The following PLOD2 variants were observed in gnomAD, a reference collection of about 807,000 sequenced individuals.
The protein encoded by PLOD2 is lysine hydroxylase 2.
A neutral mutation model predicts 101.0 loss-of-function variants in PLOD2; 65 were observed. The observed-to-expected ratio is 0.64, with a 90% CI of 0.53 to 0.79. The LOEUF is 0.79. PLOD2 is among the 30% of genes least tolerant of loss of function. The probability of loss-of-function intolerance (pLI) is 0.00; values close to 1 mark genes in which losing one functional copy is unlikely to be tolerated. For synonymous variants in PLOD2, 314 were observed against 302.9 expected, an observed-to-expected ratio of 1.04 and a Z score of -0.38; for missense variants, 909 against 914.6, an observed-to-expected ratio of 0.99 and a Z score of 0.08.
chr3:146,136,155 C>G (rs1190740098), intron 1 of PLOD2, among the ~76,000 whole-genome samples: 1 of 152,056 alleles, frequency 6.6e-6, no homozygotes, highest in Non-Finnish European at 1.5e-5. Context: ...TTCAGAAATG[C>G]CTTCTACATG....
intron 11 of PLOD2, among the ~76,000 whole-genome samples, chr3:146,084,717 T>C (rs1936695389): frequency 6.6e-6 from 1 of 152,114 alleles, no homozygotes. Flanking sequence ...AAGTGATAAC[T>C]AGTTCAACAG....
At chr3:146,130,345 CT>C (rs2108108153) in intron 1 of PLOD2, among the ~76,000 whole-genome samples, 1 of 152,292 alleles carries the variant, frequency 6.6e-6, no homozygotes, top group Non-Finnish European at 1.5e-5. Flanking sequence ...TTCTACCTTT[CT>C]TTCAGGGCAC....
chr3:146,088,823 C>T, intron 8 of PLOD2, 112 bp from the exon 9 acceptor site: 2 of 929,724 alleles, frequency 2.2e-6, no homozygotes, highest in Non-Finnish European at 3.3e-6. Flanking sequence ...ATCAATTCAA[C>T]ATAATCTGCT....
rs1428147389 is a variant in PLOD2, at chr3:146,086,801, G to C, written c.1113C>G (p.Ala371=). ...GPEENLSQAE[A]RNMGMDFCRQ... is the part of the protein sequence containing the mutation. The stretch of plus-strand genomic sequence containing the variant: ...TTAAAACATACATTCCCATGTTTCT[G>C]GCTTCCGCTTGACTTAGATTTTCTT... The change falls in exon 10 of 20, where the codon GCC becomes GCG. Residue 371 remains alanine, a synonymous_variant. Coordinates refer to ENST00000282903, the MANE Select transcript of PLOD2 (RefSeq NM_182943.3). 2.7e-6 allele frequency: 4 copies of C among 1,478,094 alleles called. No individual in the cohort carries two copies. Among genetic ancestry groups the C allele is most frequent in the Non-Finnish European group, 3.7e-6 (4 of 1,090,398 alleles). The allele number at this position is 1,478,094 out of a possible 1,614,324, so 91.6% of individuals were successfully genotyped here.
At chr3:146,079,840 C>A (rs1020687011) in intron 12 of PLOD2, among the ~76,000 whole-genome samples, 2 of 151,986 alleles carry the variant, frequency 1.3e-5, no homozygotes, top group Non-Finnish European at 2.9e-5. Flanking sequence ...GCCTAAAATT[C>A]TCCAAAATTA....
At chr3:146,155,578 T>G (rs1207405166) in intron 1 of PLOD2, among the ~76,000 whole-genome samples, 1 of 151,062 alleles carries the variant, frequency 6.6e-6, no homozygotes, top group Non-Finnish European at 1.5e-5. Flanking sequence ...TAGCTGGGCA[T>G]GGTGGCGGGC....
rs1290286609 is a variant in PLOD2 at position 146,106,545 on chromosome 3, T to C, written c.602A>G (p.Asp201Gly). ...DQLFYTKVYI[D>G]PLKREAINIT... ...GCTGTTACACACCCTTTTCAGTGGA[T>C]CAATGTAAACTTTAGTGTAAAAGAG... is the stretch of plus-strand genomic sequence containing the variant. Residue 201 changes from aspartate (D) to glycine (G), a missense_variant, in exon 5 of 20, where the codon GAT becomes GGT. By Grantham distance (94) the Asp-to-Gly change is moderately conservative (BLOSUM62 -1). Transcript: ENST00000282903. The C allele has an allele frequency of 3.3e-6, 5 of 1,497,146 alleles. No homozygotes were observed. The highest frequency in any genetic ancestry group is 4.7e-6 in the Non-Finnish European group (5 of 1,073,534). The allele number at this position is 1,497,146 out of a possible 1,614,324, so 92.7% of individuals were successfully genotyped here. A position where few individuals can be genotyped will look rare whatever the true frequency, so the allele number is the denominator to read the frequency against.
chr3:146,076,678 T>C, intron 15 of PLOD2, 104 bp downstream of exon 15: 1 of 668,884 alleles, frequency 1.5e-6, no homozygotes, highest in Non-Finnish European at 2.7e-6. Context: ...TTTCACCTTA[T>C]GTCATTTTAA....
intron 10 of PLOD2, 148 bp downstream of exon 10, chr3:146,086,639 A>G: frequency 2.0e-6 from 1 of 508,626 alleles, no homozygotes; most frequent in South Asian, 3.3e-5. Flanking sequence ...GTACAAACAT[A>G]GACACAGTCT....
chr3:146,129,567 A>C (rs1226248664), intron 1 of PLOD2, among the ~76,000 whole-genome samples: 5 of 152,100 alleles, frequency 3.3e-5, no homozygotes, highest in African/African-American at 1.2e-4. Flanking sequence ...TTTCCATGAG[A>C]GTAAAATGAG....
intron 11 of PLOD2, among the ~76,000 whole-genome samples, chr3:146,083,270 T>G (rs1428806462): frequency 6.6e-6 from 1 of 151,946 alleles, no homozygotes; most frequent in Non-Finnish European, 1.5e-5. Context: ...GGAGTAAAAT[T>G]TAGAGCAAGG....
chr3:146,123,269 G>T, intron 2 of PLOD2: 6 of 1,126,256 alleles, frequency 5.3e-6, no homozygotes, highest in East Asian at 7.8e-5. Flanking sequence ...TCCTACCTAG[G>T]TATCTCCTTG....
At chr3:146,080,549 C>T (rs1340129983) in intron 12 of PLOD2, among the ~76,000 whole-genome samples, 1 of 151,922 alleles carries the variant, frequency 6.6e-6, no homozygotes, top group Non-Finnish European at 1.5e-5. Context: ...GTTGCTCCTT[C>T]GTGTAGCTTT....
intron 3 of PLOD2, among the ~76,000 whole-genome samples, chr3:146,118,463 G>A (rs1483487457): frequency 3.8e-5 from 5 of 130,868 alleles, no homozygotes; most frequent in African/African-American, 1.3e-4. Flanking sequence ...TTATACTAAT[G>A]CATAAAAATA....
chr3:146,106,870 C>T (rs1937543953), intron 4 of PLOD2, among the ~76,000 whole-genome samples: 1 of 152,098 alleles, frequency 6.6e-6, no homozygotes, highest in Non-Finnish European at 1.5e-5. Context: ...CAGAAAATAA[C>T]CAAACTCTTT....
At chr3:146,134,995 G>C (rs1363261419) in intron 1 of PLOD2, among the ~76,000 whole-genome samples, 1 of 152,132 alleles carries the variant, frequency 6.6e-6, no homozygotes, top group Non-Finnish European at 1.5e-5. Context: ...ACTGAAACAG[G>C]AACAAAAATG....
At chr3:146,131,759 T>C (rs2030924004) in intron 1 of PLOD2, among the ~76,000 whole-genome samples, 1 of 152,196 alleles carries the variant, frequency 6.6e-6, no homozygotes, top group African/African-American at 2.4e-5. Context: ...TTGCACACAA[T>C]TTTGTTGCTT....
chr3:146,100,598 C>T (rs1937351800), intron 7 of PLOD2, among the ~76,000 whole-genome samples: 1 of 152,222 alleles, frequency 6.6e-6, no homozygotes, highest in African/African-American at 2.4e-5. Flanking sequence ...ATATAAAAAG[C>T]ATGTATGTAC....
intron 17 of PLOD2, among the ~76,000 whole-genome samples, chr3:146,072,165 C>T (rs753681955): frequency 4.0e-5 from 6 of 151,716 alleles, no homozygotes; most frequent in African/African-American, 1.5e-4. Context: ...CACACAAAAA[C>T]AGTTTTCAGA....
Sources: gnomAD v4.1 joint callset for allele counts (sites outside exome capture counted in the v4.1 genomes callset) on GRCh38, gnomAD v4.1.1 for gene constraint, MANE v1.5 for transcripts, NCBI Gene and HGNC (gene_info 2026-07-23, HGNC 2026-07-21) for gene names.